The following CSTPP1 variants were observed in gnomAD, a reference collection of about 807,000 sequenced individuals.
The protein encoded by CSTPP1 is UPF0705 protein C11orf49.
the CSTPP1 span, chr11:46,987,523 T>C: frequency 1.8e-5 from 9 of 494,924 alleles, no homozygotes; most frequent in Non-Finnish European, 3.3e-5. Flanking sequence ...ATAGTTTTGA[T>C]TACAGTAGCT....
the CSTPP1 span, chr11:47,004,225 G>A: frequency 6.6e-6 from 1 of 150,454 alleles, no homozygotes; most frequent in African/African-American, 2.4e-5. Flanking sequence ...CTGTCACCCA[G>A]GCTGGAGTTG....
the CSTPP1 span, among the ~76,000 whole-genome samples, chr11:47,006,473 T>G: frequency 6.6e-6 from 1 of 152,202 alleles, no homozygotes; most frequent in Non-Finnish European, 1.5e-5. Flanking sequence ...TTTAAACTAT[T>G]CGGTGTTCTT....
chr11:47,088,558 A>G, the CSTPP1 span, among the ~76,000 whole-genome samples: 1 of 152,066 alleles, frequency 6.6e-6, no homozygotes, highest in East Asian at 1.9e-4. Flanking sequence ...TTATTTATTT[A>G]TTTATTTTGA....
the CSTPP1 span, among the ~76,000 whole-genome samples, chr11:47,134,696 C>A: frequency 1.3e-5 from 2 of 152,144 alleles, no homozygotes; most frequent in Non-Finnish European, 2.9e-5. Flanking sequence ...CTACCTTGTT[C>A]ATCATAATGG....
the CSTPP1 span, among the ~76,000 whole-genome samples, chr11:47,119,760 C>A: frequency 2.6e-5 from 4 of 151,888 alleles, no homozygotes; most frequent in Non-Finnish European, 4.4e-5. Context: ...TACAGGCATG[C>A]ACCACCACGC....
At chr11:47,087,012 C>T in the CSTPP1 span, among the ~76,000 whole-genome samples, 1 of 152,124 alleles carries the variant, frequency 6.6e-6, no homozygotes, top group South Asian at 2.1e-4. Flanking sequence ...ATCTCCATGA[C>T]ATCCTTGCGA....
At chr11:46,965,264 C>T in the CSTPP1 span, among the ~76,000 whole-genome samples, 379 of 128,184 alleles carry the variant, frequency 3.0e-3, 1 homozygote, top group African/African-American at 0.01. Context: ...CTGGCTCTGT[C>T]GCTCGGGCTG....
the CSTPP1 span, among the ~76,000 whole-genome samples, chr11:47,116,681 T>TG: frequency 1.5e-5 from 2 of 137,446 alleles, no homozygotes; most frequent in Admixed American, 1.5e-4. Flanking sequence ...GTAGGTTTTT[T>TG]TTTTTTTTTT....
the CSTPP1 span, among the ~76,000 whole-genome samples, chr11:47,048,450 G>A: frequency 1.5e-3 from 234 of 152,076 alleles, no homozygotes; most frequent in Middle Eastern, 3.4e-3. Context: ...AACATAGGGA[G>A]ACCCTGTCTC....
At chr11:47,116,675 G>GTTTTTTTTT in the CSTPP1 span, among the ~76,000 whole-genome samples, 4 of 83,932 alleles carry the variant, frequency 4.8e-5, no homozygotes, top group Non-Finnish European at 6.3e-5. Context: ...TGCTTGGTAG[G>GTTTTTTTTT]TTTTTTTTTT....
the CSTPP1 span, among the ~76,000 whole-genome samples, chr11:47,082,900 G>A: frequency 2.6e-5 from 4 of 151,928 alleles, no homozygotes; most frequent in Non-Finnish European, 4.4e-5. Flanking sequence ...TAAGTTCTTG[G>A]GGTACATGTG....
chr11:46,963,105 TA>T, the CSTPP1 span, among the ~76,000 whole-genome samples: 1 of 148,068 alleles, frequency 6.8e-6, no homozygotes, highest in Non-Finnish European at 1.5e-5. Context: ...TGGATGCTTT[TA>T]TTTTTTTTTT....
chr11:46,997,831 G>C, the CSTPP1 span, among the ~76,000 whole-genome samples: 1 of 152,302 alleles, frequency 6.6e-6, no homozygotes, highest in African/African-American at 2.4e-5. Context: ...GTCCACTCCA[G>C]ACCCTGTTTG....
chr11:46,971,198 T>C, the CSTPP1 span, among the ~76,000 whole-genome samples: 1 of 152,240 alleles, frequency 6.6e-6, no homozygotes, highest in African/African-American at 2.4e-5. Flanking sequence ...TGTATTGTTC[T>C]GTTTCATTGA....
the CSTPP1 span, among the ~76,000 whole-genome samples, chr11:47,063,460 T>G: frequency 6.6e-6 from 1 of 152,282 alleles, no homozygotes; most frequent in South Asian, 2.1e-4. Flanking sequence ...CGAAACTCAG[T>G]AGCCATTAAA....
the CSTPP1 span, among the ~76,000 whole-genome samples, chr11:47,073,537 A>T: frequency 1.3e-5 from 2 of 152,106 alleles, no homozygotes; most frequent in Non-Finnish European, 1.5e-5. Context: ...TTTTTTGAGA[A>T]ATATTTTAAA....
At chr11:46,969,150 G>A in the CSTPP1 span, among the ~76,000 whole-genome samples, 3 of 152,072 alleles carry the variant, frequency 2.0e-5, no homozygotes, top group Non-Finnish European at 4.4e-5. Flanking sequence ...AACACTGAGT[G>A]GCCTTGTTCT....
the CSTPP1 span, among the ~76,000 whole-genome samples, chr11:47,133,568 C>T: frequency 1.3e-5 from 2 of 152,226 alleles, no homozygotes; most frequent in African/African-American, 2.4e-5. Context: ...GGCTGCTGTG[C>T]TGGAGCCTCA....
chr11:47,150,662 G>C, the CSTPP1 span, among the ~76,000 whole-genome samples: 1 of 152,174 alleles, frequency 6.6e-6, no homozygotes, highest in Non-Finnish European at 1.5e-5. Context: ...GAGGCATGGA[G>C]GGCAGGGAGC....
Sources: gnomAD v4.1 joint callset for allele counts (sites outside exome capture counted in the v4.1 genomes callset) on GRCh38, gnomAD v4.1.1 for gene constraint, MANE v1.5 for transcripts, NCBI Gene and HGNC (gene_info 2026-07-23, HGNC 2026-07-21) for gene names.